DCAF5: variants seen among roughly 807,000 people sequenced by gnomAD.
DCAF5 encodes DDB1- and CUL4-associated factor 5.
In DCAF5, 9 loss-of-function variants were observed where a neutral mutation model predicts 80.7. That is an observed-to-expected ratio of 0.11 (90% confidence interval 0.07 to 0.19). The LOEUF is 0.19. Ranked by LOEUF, DCAF5 falls within the 10% of genes least tolerant of loss-of-function variation. The pLI, the probability that DCAF5 is intolerant of heterozygous loss-of-function variation, is 1.00. For synonymous variants in DCAF5, 433 were observed against 461.9 expected (o/e 0.94, Z 0.80); for missense variants, 842 against 1,205.7 (o/e 0.70, Z 4.47).
Position 69,085,445 on chromosome 14 carries a change from C to T in DCAF5, c.879+6229G>A, listed in dbSNP as rs1594968539. 3.9e-5 allele frequency: 17 copies of T among 432,818 alleles called. No homozygotes were observed. In the East Asian group the frequency reaches 8.4e-4, roughly 21 times the overall value. 26.8% of individuals were successfully genotyped at this position (432,818 alleles called of 1,614,324 possible). ...TTGTCCTAAAATGATTCTTTTCCTC[C>T]CTTGATTTAACAGGATTTTTGTAGC... On this transcript the variant is annotated intron_variant, in intron 6 of 8. Transcript: ENST00000341516.
intron 7 of DCAF5, among the ~76,000 whole-genome samples, chr14:69,067,838 T>C (rs1014087042): frequency 6.6e-6 from 1 of 152,132 alleles, no homozygotes; most frequent in African/African-American, 2.4e-5. Context: ...GGTTTCGCCA[T>C]GTTAGCCAGC....
At position 69,152,451 on chromosome 14, in the gene DCAF5, T is replaced by TTA; in HGVS notation, c.214+313_214+314insTA. The stretch of plus-strand genomic sequence containing the variant: ...GCGGAGGAAGAGTTTGCCGTCAAAC[T>TTA]TTGTAGAGCGGTAACCTCGCCCCCC... On this transcript the variant is annotated intron_variant, in intron 1 of 8. Coordinates refer to ENST00000341516, the MANE Select transcript of DCAF5 (RefSeq NM_003861.3). This position sits in a 1 kb window ranked among gnomAD's most constrained non-coding sequence, Gnocchi z 4.1. 1 of 278,036 alleles carries TTA rather than the reference T, an allele frequency of 3.6e-6. No homozygotes were observed. The highest frequency in any genetic ancestry group is 6.4e-5 in the South Asian group (1 of 15,612). The allele number at this position is 278,036 out of a possible 1,614,324, so 17.2% of individuals were successfully genotyped here.
chr14:69,133,508 T>C (rs2140097516), intron 1 of DCAF5, among the ~76,000 whole-genome samples: 1 of 152,270 alleles, frequency 6.6e-6, no homozygotes, highest in South Asian at 2.1e-4. Flanking sequence ...ATAAAACTGC[T>C]GTTCAGTGGC....
chr14:69,125,140 G>A (rs774596096), intron 1 of DCAF5, among the ~76,000 whole-genome samples: 3 of 152,144 alleles, frequency 2.0e-5, no homozygotes, highest in Non-Finnish European at 2.9e-5. Flanking sequence ...CTATAGCCCC[G>A]ACTCTTAACC....
intron 5 of DCAF5, among the ~76,000 whole-genome samples, chr14:69,097,046 GAAGTTGGGGTGGATGC>G (rs2039743906): frequency 6.6e-6 from 1 of 152,164 alleles, no homozygotes; most frequent in Admixed American, 6.5e-5. Context: ...GGCAAGACAA[GAAGTTGGGGTGGATGC>G]ACTGAGTATT....
At chr14:69,131,759 C>CT (rs11458918) in intron 1 of DCAF5, among the ~76,000 whole-genome samples, 35,558 of 133,722 alleles carry the variant, frequency 0.27, 5,735 homozygotes, top group Middle Eastern at 0.42. Flanking sequence ...ACTTTCCAGG[C>CT]TTTTTTTTTT....
rs1232542105 is a variant in DCAF5 at position 69,055,624 on chromosome 14, T to A, written c.1075-13A>T. ...ATGGGCTCCAGATCTGAACAGAAAA[T>A]GAAAAACAAAAGCAACAAGGAGTAA... is the stretch of plus-strand genomic sequence containing the variant. On this transcript the variant is annotated splice_polypyrimidine_tract_variant and intron_variant, in intron 8 of 8. Transcript: ENST00000341516. The surrounding 1 kb of genome is among the most constrained non-coding windows in gnomAD (Gnocchi z 5.6). 1 of 1,578,378 alleles carries A rather than the reference T, an allele frequency of 6.3e-7. No homozygotes were observed. The highest frequency in any genetic ancestry group is 1.4e-5 in the African/African-American group (1 of 73,708).
chr14:69,139,345 G>T (rs931541004), intron 1 of DCAF5, among the ~76,000 whole-genome samples: 1 of 151,864 alleles, frequency 6.6e-6, no homozygotes, highest in Non-Finnish European at 1.5e-5. Context: ...TTAGCTGGAC[G>T]TGGTGATGCA....
chr14:69,102,681 C>G (rs2040003913), intron 5 of DCAF5, among the ~76,000 whole-genome samples: 1 of 150,372 alleles, frequency 6.7e-6, no homozygotes, highest in African/African-American at 2.4e-5. Context: ...ACCTTCACAT[C>G]TGTTCTACTA....
rs2037899561 is a variant in DCAF5, at chr14:69,054,946, A to G, written c.1740T>C (p.Ser580=). 6.2e-7 allele frequency: 1 copy of G among 1,614,202 alleles called. No homozygotes were observed. The highest frequency in any genetic ancestry group is 8.5e-7 in the Non-Finnish European group (1 of 1,180,032). Residue 580 remains serine, a synonymous_variant, in exon 9 of 9, where the codon TCT becomes TCC. Transcript: ENST00000341516. ...GCCGCATGGCATTCCGCTGCCAGGT[A>G]GAGGCTCGGCGTTCATTCAGCTCCT... ...DEEELNERRA[S]TWQRNAMRRR... is the part of the protein sequence containing the mutation.
chr14:69,053,533 G>A lies in DCAF5; in HGVS notation c.*324C>T, dbSNP rs960217268. The A allele has an allele frequency of 2.7e-5, 7 of 264,106 alleles. No homozygotes were observed. Among genetic ancestry groups the A allele is most frequent in the Non-Finnish European group, 2.9e-5 (4 of 138,722 alleles). The allele number at this position is 264,106 out of a possible 1,614,324, so 16.4% of individuals were successfully genotyped here. On this transcript the variant is annotated 3_prime_UTR_variant, in exon 9 of 9. Coordinates refer to ENST00000341516, the MANE Select transcript of DCAF5 (RefSeq NM_003861.3). Reference sequence around the variant, plus strand: ...AATAAGCGCACACGTGCCATTGTGCGTACACAAGAACAAGTCGAACGTCTC... The same window carrying A: ...AATAAGCGCACACGTGCCATTGTGCATACACAAGAACAAGTCGAACGTCTC...
intron 1 of DCAF5, among the ~76,000 whole-genome samples, chr14:69,140,977 T>C (rs1461169901): frequency 6.6e-6 from 1 of 151,278 alleles, no homozygotes; most frequent in Non-Finnish European, 1.5e-5. Flanking sequence ...TTACTAAAAG[T>C]ACAAAAATTA....
chr14:69,097,631 G>T (rs1291300167), intron 5 of DCAF5, among the ~76,000 whole-genome samples: 2 of 144,668 alleles, frequency 1.4e-5, no homozygotes, highest in Non-Finnish European at 3.0e-5. Flanking sequence ...TTGTCACCCA[G>T]GCTGGAGTGC....
At chr14:69,073,341 G>A (rs936996205) in intron 7 of DCAF5, among the ~76,000 whole-genome samples, 6 of 152,162 alleles carry the variant, frequency 3.9e-5, no homozygotes, top group Non-Finnish European at 5.9e-5. Flanking sequence ...AAGAGACATC[G>A]AGAGAAACCA....
At chr14:69,087,066 G>A (rs1416887946) in intron 6 of DCAF5, among the ~76,000 whole-genome samples, 2 of 152,176 alleles carry the variant, frequency 1.3e-5, no homozygotes, top group African/African-American at 4.8e-5. Flanking sequence ...CCAGTTCGAG[G>A]CAAACATGCT....
intron 1 of DCAF5, among the ~76,000 whole-genome samples, chr14:69,150,722 C>CAA (rs11442310): frequency 6.1e-4 from 84 of 137,320 alleles, no homozygotes; most frequent in Admixed American, 1.5e-3. Flanking sequence ...TCCACCTCTA[C>CAA]AAAAAAAAAA....
At chr14:69,083,174 A>G (rs1484120699) in intron 6 of DCAF5, among the ~76,000 whole-genome samples, 1 of 152,242 alleles carries the variant, frequency 6.6e-6, no homozygotes, top group Non-Finnish European at 1.5e-5. Flanking sequence ...CAGGATTGAT[A>G]ATACCTGAGC....
intron 1 of DCAF5, among the ~76,000 whole-genome samples, chr14:69,151,617 T>C (rs2041707179): frequency 6.6e-6 from 1 of 151,918 alleles, no homozygotes; most frequent in African/African-American, 2.4e-5. Flanking sequence ...CTGAGCCAGG[T>C]TTCGGGGAGC....
chr14:69,104,501 A>T lies in DCAF5; in HGVS notation c.665+11865T>A, dbSNP rs1046022995. Among the ~76,000 whole-genome samples the T allele has an allele frequency of 2.0e-5, 3 of 152,128 alleles. No individual in the cohort carries two copies. The East Asian group carries it at 5.8e-4, about 29-fold the overall frequency. On this transcript the variant is annotated intron_variant, in intron 5 of 8. Coordinates refer to ENST00000341516, the MANE Select transcript of DCAF5 (RefSeq NM_003861.3). The stretch of plus-strand genomic sequence containing the variant: ...GAAGAATGCAATCAGCATAAGCTAG[A>T]ATATAAGAAATTCGTAAGACAAATA...
Sources: gnomAD v4.1 joint callset for allele counts (sites outside exome capture counted in the v4.1 genomes callset) on GRCh38, gnomAD v4.1.1 for gene constraint, Gnocchi (gnomAD v3.1) non-coding constraint, MANE v1.5 for transcripts, NCBI Gene and HGNC (gene_info 2026-07-23, HGNC 2026-07-21) for gene names.